Variants in ASXL3 observed in about 807,000 individuals in gnomAD.
ASXL3 encodes ASXL transcriptional regulator 3, also known as putative Polycomb group protein ASXL3.
Under a neutral mutation model 170.6 loss-of-function variants are expected in ASXL3, and 34 were observed. The observed-to-expected ratio is 0.20, with a 90% CI of 0.15 to 0.27. ASXL3 has a LOEUF of 0.27. ASXL3 is among the 10% of genes least tolerant of loss of function. The pLI is 1.00. For missense variants in ASXL3, 2,592 were observed against 2,695.3 expected (o/e 0.96, Z 0.85); for synonymous variants, 1,002 against 989.1 (o/e 1.01, Z -0.24).
intron 8 of ASXL3, among the ~76,000 whole-genome samples, chr18:33,720,442 T>TATTCATGGTTGGGTAC (rs1182560582): frequency 6.6e-6 from 1 of 152,110 alleles, no homozygotes; most frequent in Admixed American, 6.6e-5. Context: ...AAAACATTAG[T>TATTCATGGTTGGGTAC]ATTCATGGTT....
chr18:33,737,172 T>TG (rs2067562688), intron 10 of ASXL3, among the ~76,000 whole-genome samples: 1 of 152,190 alleles, frequency 6.6e-6, no homozygotes, highest in African/African-American at 2.4e-5. Context: ...AGAATATGTA[T>TG]GAAGGCAGTA....
intron 8 of ASXL3, among the ~76,000 whole-genome samples, chr18:33,729,336 C>T (rs1213433259): frequency 6.6e-6 from 1 of 152,060 alleles, no homozygotes; most frequent in Non-Finnish European, 1.5e-5. Flanking sequence ...GGAGTTGCGC[C>T]CAGAGACAAA....
At chr18:33,648,653 C>T (rs1367279100) in intron 4 of ASXL3, among the ~76,000 whole-genome samples, 6 of 151,814 alleles carry the variant, frequency 4.0e-5, no homozygotes, top group Non-Finnish European at 5.9e-5. Context: ...TAGTTAAAGA[C>T]AGGAAACTGG....
chr18:33,661,073 G>A (rs1469603306), intron 4 of ASXL3, among the ~76,000 whole-genome samples: 2 of 152,142 alleles, frequency 1.3e-5, no homozygotes, highest in Admixed American at 1.3e-4. Flanking sequence ...TTGATAACAA[G>A]CATCTCAGAT....
intron 8 of ASXL3, among the ~76,000 whole-genome samples, chr18:33,707,766 A>G (rs2066986954): frequency 6.6e-6 from 1 of 151,960 alleles, no homozygotes; most frequent in Non-Finnish European, 1.5e-5. Flanking sequence ...TAAAGATTTT[A>G]TTATTTCATC....
chr18:33,623,455 T>G (rs1457150816), intron 2 of ASXL3, among the ~76,000 whole-genome samples: 1 of 152,184 alleles, frequency 6.6e-6, no homozygotes, highest in Non-Finnish European at 1.5e-5. Context: ...ACTATTTTTC[T>G]TGTCTTTCCA....
At chr18:33,672,619 A>G (rs893192763) in intron 7 of ASXL3, among the ~76,000 whole-genome samples, 1 of 152,200 alleles carries the variant, frequency 6.6e-6, no homozygotes, top group Non-Finnish European at 1.5e-5. Context: ...GAATAGGATC[A>G]TGATAATAAC....
In ASXL3 at chr18:33,739,444, A is replaced by G; in HGVS notation, c.2040A>G (p.Ile680Met). 6.2e-7 allele frequency: 1 copy of G among 1,614,002 alleles called. No individual in the cohort carries two copies. The highest frequency in any genetic ancestry group is 8.5e-7 in the Non-Finnish European group (1 of 1,179,882). Residue 680 changes from isoleucine to methionine, a missense_variant, in exon 11 of 12, where the codon ATA becomes ATG. Ile to Met is a conservative substitution (Grantham distance 10, BLOSUM62 1). Transcript: ENST00000269197. The stretch of plus-strand genomic sequence containing the variant: ...TTCATGCATCTTTGATGTCAGAAAT[A>G]TCTCCAATATCCACTTCACCTGAAA... ...ENFHASLMSE[I>M]SPISTSPEIS...
chr18:33,582,377 C>G (rs1298656096), intron 1 of ASXL3, among the ~76,000 whole-genome samples: 1 of 152,154 alleles, frequency 6.6e-6, no homozygotes, highest in Non-Finnish European at 1.5e-5. Context: ...ACTGGCTTAA[C>G]ACAGAACATA....
chr18:33,720,139 A>G (rs1001190799), intron 8 of ASXL3, among the ~76,000 whole-genome samples: 2 of 152,152 alleles, frequency 1.3e-5, no homozygotes, highest in African/African-American at 4.8e-5. Context: ...GGGCTCTCCT[A>G]GCATCCTTTC....
chr18:33,729,115 G>A (rs760952305), intron 8 of ASXL3, among the ~76,000 whole-genome samples: 4 of 152,092 alleles, frequency 2.6e-5, no homozygotes, highest in East Asian at 1.9e-4. Flanking sequence ...CTTTCCTCCC[G>A]AAACAGGGCC....
Position 33,683,442 on chromosome 18 carries a change from A to G in ASXL3, c.753A>G (p.Ile251Met), listed in dbSNP as rs2066545633. Residue 251 changes from isoleucine (I) to methionine (M), a missense_variant, in exon 8 of 12, where the codon ATA (isoleucine) becomes ATG (methionine). Transcript: ENST00000269197. ...LKWTKAEDID[I>M]ETPGSILVNT... ...GGACCAAAGCTGAGGACATTGACAT[A>G]GAAACCCCAGGATCTATTCTTGTCA... 1.2e-6 allele frequency: 2 copies of G among 1,613,496 alleles called. No homozygotes were observed. The highest frequency in any genetic ancestry group is 1.7e-6 in the Non-Finnish European group (2 of 1,179,636).
At chr18:33,651,375 A>G (rs950364868) in intron 4 of ASXL3, among the ~76,000 whole-genome samples, 9 of 152,082 alleles carry the variant, frequency 5.9e-5, no homozygotes, top group Admixed American at 5.9e-4. Context: ...TGAAAATGTG[A>G]TCAGAGAGAG....
chr18:33,727,718 A>G (rs758418320), intron 8 of ASXL3, among the ~76,000 whole-genome samples: 1 of 152,200 alleles, frequency 6.6e-6, no homozygotes, highest in South Asian at 2.1e-4. Context: ...TTAGGAATAA[A>G]TAAATCTTTC....
At chr18:33,636,305 T>TCAACAA (rs367963281) in intron 2 of ASXL3, among the ~76,000 whole-genome samples, 323 of 110,730 alleles carry the variant, frequency 2.9e-3, no homozygotes, top group African/African-American at 1.0e-2. Flanking sequence ...AACCACTGAT[T>TCAACAA]CAACAACAAC....
chr18:33,623,312 T>C (rs2065546273), intron 2 of ASXL3, among the ~76,000 whole-genome samples: 1 of 152,190 alleles, frequency 6.6e-6, no homozygotes, highest in African/African-American at 2.4e-5. Flanking sequence ...TCACGTCTCA[T>C]TGATCTTCTC....
At chr18:33,643,332 A>G (rs2065873481) in intron 2 of ASXL3, among the ~76,000 whole-genome samples, 2 of 151,868 alleles carry the variant, frequency 1.3e-5, no homozygotes, top group African/African-American at 4.8e-5. Context: ...GGCCCTCTCC[A>G]AATACGAGAA....
At chr18:33,640,339 A>G (rs895697702) in intron 2 of ASXL3, among the ~76,000 whole-genome samples, 12 of 151,996 alleles carry the variant, frequency 7.9e-5, no homozygotes, top group African/African-American at 2.9e-4. Context: ...CAGTCATTTT[A>G]GAGAGTTTCT....
intron 7 of ASXL3, among the ~76,000 whole-genome samples, chr18:33,680,209 G>C (rs1363691057): frequency 6.6e-6 from 1 of 151,582 alleles, no homozygotes; most frequent in African/African-American, 2.4e-5. Flanking sequence ...TTTCTGTAAC[G>C]TGTAAAGCAC....
Sources: gnomAD v4.1 joint callset for allele counts (sites outside exome capture counted in the v4.1 genomes callset) on GRCh38, gnomAD v4.1.1 for gene constraint, MANE v1.5 for transcripts, NCBI Gene and HGNC (gene_info 2026-07-23, HGNC 2026-07-21) for gene names.